Variants in MYO9A observed in about 807,000 individuals in gnomAD.
MYO9A encodes the protein unconventional myosin-IXa.
MYO9A carries 103 observed loss-of-function variants against 293.3 expected under a neutral mutation model. The ratio of observed to expected loss-of-function variants is 0.35; its 90% CI spans 0.30 to 0.41. The LOEUF is 0.41. MYO9A is among the 10% of genes least tolerant of loss of function. The pLI is 1.00. For synonymous variants in MYO9A, 1,001 were observed against 1,035.7 expected, an observed-to-expected ratio of 0.97 and a Z score of 0.64; for missense variants, 2,685 against 3,033.0, an observed-to-expected ratio of 0.89 and a Z score of 2.69.
chr15:71,927,225 T>G (rs2058336054), intron 18 of MYO9A, among the ~76,000 whole-genome samples: 1 of 152,242 alleles, frequency 6.6e-6, no homozygotes, highest in East Asian at 1.9e-4. Context: ...TGCTATTAAG[T>G]TGTTTGGACT....
intron 17 of MYO9A, among the ~76,000 whole-genome samples, chr15:71,934,266 T>G (rs1386247613): frequency 1.3e-5 from 2 of 152,082 alleles, no homozygotes; most frequent in African/African-American, 4.8e-5. Flanking sequence ...CTTATGAATA[T>G]GGGCTGGGAA....
rs78261984 is a variant in MYO9A at position 72,104,942 on chromosome 15, A to G, written c.-72+12738T>C. Among the ~76,000 whole-genome samples the G allele has an allele frequency of 1.5e-3, 235 of 152,366 alleles. 5 individuals carry two copies. In the East Asian group the frequency reaches 0.023, roughly 15 times the overall value. The stretch of plus-strand genomic sequence containing the variant: ...CAGTGAAGATACAATGTATCCTTAC[A>G]TGAAAACATTCAAGACATGGGCTTT... On this transcript the variant is annotated intron_variant, in intron 1 of 41. Transcript: ENST00000356056.
At chr15:72,007,654 T>C (rs2077054963) in intron 8 of MYO9A, among the ~76,000 whole-genome samples, 172 bp downstream of exon 8, 1 of 152,144 alleles carries the variant, frequency 6.6e-6, no homozygotes, top group South Asian at 2.1e-4. Flanking sequence ...AATAGCAAAC[T>C]GAGGCAGGTA....
intron 28 of MYO9A, among the ~76,000 whole-genome samples, chr15:71,882,141 G>T (rs1270636093): frequency 6.6e-6 from 1 of 152,096 alleles, no homozygotes; most frequent in Non-Finnish European, 1.5e-5. Flanking sequence ...GATATGAGAA[G>T]ATGCTGGTTT....
rs759347363 is a variant in MYO9A, at chr15:71,848,856, G to T, written c.6826C>A (p.Arg2276Ser). 9.4e-6 allele frequency: 15 copies of T among 1,602,864 alleles called. No individual in the cohort carries two copies. In the African/African-American group the frequency reaches 1.6e-4, roughly 17 times the overall value. Residue 2276 changes from arginine to serine, a missense_variant, in exon 39 of 42, where the codon CGT becomes AGT. Coordinates refer to ENST00000356056, the MANE Select transcript of MYO9A (RefSeq NM_006901.4). ...NKAKTRLSLI[R>S]RSMGKGRIRR... Reference sequence around the variant, plus strand: ...GTGTTGCATCTTACCATTGATCTACGAATCAGTGACAACCTGGTCTTTGCC... The same window carrying T: ...GTGTTGCATCTTACCATTGATCTACTAATCAGTGACAACCTGGTCTTTGCC...
At chr15:71,829,961 A>G in intron 40 of MYO9A, 148 bp downstream of exon 40, 1 of 882,568 alleles carries the variant, frequency 1.1e-6, no homozygotes. Context: ...TATAGACAAC[A>G]CGTCTTTGTC....
chr15:72,070,292 A>C (rs559315285), intron 1 of MYO9A, among the ~76,000 whole-genome samples: 178 of 151,498 alleles, frequency 1.2e-3, no homozygotes, highest in Non-Finnish European at 1.6e-3. Flanking sequence ...AACTACAAAA[A>C]AAAAACAAAA....
intron 1 of MYO9A, among the ~76,000 whole-genome samples, chr15:72,079,502 T>A (rs2079474890): frequency 6.6e-6 from 1 of 152,160 alleles, no homozygotes. Flanking sequence ...TACAGTATAA[T>A]ATGCATGTGT....
chr15:71,941,124 C>A (rs1207538601), intron 15 of MYO9A, among the ~76,000 whole-genome samples: 6 of 152,098 alleles, frequency 3.9e-5, no homozygotes, highest in Non-Finnish European at 7.4e-5. Context: ...GTAGCTCACT[C>A]CCTGATCCCA....
rs760577376 is a variant in MYO9A, at chr15:71,897,868, T to C, written c.4635A>G (p.Pro1545=). The C allele has an allele frequency of 1.1e-5, 18 of 1,614,114 alleles. No individual in the cohort carries two copies. The highest frequency in any genetic ancestry group is 1.4e-5 in the Non-Finnish European group (16 of 1,180,002). The change falls in exon 25 of 42, where the codon CCA becomes CCG. Residue 1545 remains proline, a synonymous_variant. Transcript: ENST00000356056. ...CTCTTTGCTTTGACTGATAGGAAGA[T>C]GGTGCCACCAAACACTCTCCAATTC... is the stretch of plus-strand genomic sequence containing the variant. ...KPRIGECLVA[P]SSYQSKQRVE...
chr15:72,040,684 C>T lies in MYO9A; in HGVS notation c.840+5040G>A, dbSNP rs1248382916. On this transcript the variant is annotated intron_variant, in intron 2 of 41. Coordinates refer to ENST00000356056, the MANE Select transcript of MYO9A (RefSeq NM_006901.4). ...GATATTGGCTCACTGCAACCTTTGC[C>T]TCCCGAAGAACCCGGTATTTTCTAC... Among the ~76,000 whole-genome samples, 3 of 152,106 alleles carry T rather than the reference C, an allele frequency of 2.0e-5. No homozygotes were observed. The East Asian group carries it at 5.8e-4, about 29-fold the overall frequency.
At chr15:71,903,104 T>C in intron 21 of MYO9A, 41 bp from the exon 22 acceptor site, 4 of 1,521,956 alleles carry the variant, frequency 2.6e-6, no homozygotes, top group Non-Finnish European at 3.6e-6. Flanking sequence ...CAGAAAACAG[T>C]GTATGTAAAC....
intron 14 of MYO9A, chr15:71,953,530 A>T (rs1323807808): frequency 6.6e-6 from 1 of 152,224 alleles, no homozygotes; most frequent in Non-Finnish European, 1.5e-5. Context: ...GTAGAGTTTT[A>T]AAAAATCAAT....
intron 14 of MYO9A, among the ~76,000 whole-genome samples, chr15:71,956,350 T>TATAA (rs1475961500): frequency 3.3e-5 from 4 of 121,164 alleles, no homozygotes; most frequent in South Asian, 2.5e-4. Context: ...TATATATATA[T>TATAA]AAAATACGCC....
At chr15:72,041,512 T>C (rs192563333) in intron 2 of MYO9A, 1 of 351,270 alleles carries the variant, frequency 2.8e-6, no homozygotes, top group African/African-American at 2.2e-5. Context: ...AGTTTTCCAG[T>C]TTTGGAAGTT....
At chr15:71,914,776 T>C (rs1420624235) in intron 19 of MYO9A, among the ~76,000 whole-genome samples, 1 of 152,140 alleles carries the variant, frequency 6.6e-6, no homozygotes, top group East Asian at 1.9e-4. Context: ...TTAAATATAA[T>C]TCATGAATAT....
At chr15:72,082,747 G>A in intron 1 of MYO9A, among the ~76,000 whole-genome samples, 1 of 151,582 alleles carries the variant, frequency 6.6e-6, no homozygotes, top group East Asian at 1.9e-4. Context: ...AAAGGCTGTT[G>A]AATTTTATCA....
chr15:71,860,868 G>A (rs768185646), intron 33 of MYO9A, among the ~76,000 whole-genome samples: 3 of 149,796 alleles, frequency 2.0e-5, no homozygotes, highest in South Asian at 2.1e-4. Context: ...TTGGGAGGCT[G>A]AGGCAGGACA....
At position 71,854,374 on chromosome 15, in the gene MYO9A, T is replaced by C; in HGVS notation, c.6346+3A>G. Reference sequence around the variant, plus strand: ...CATTATGATTTAGAGGGCACTATCTTACCTGTATCTAGACCCTGCCGAAGC... The same window carrying C: ...CATTATGATTTAGAGGGCACTATCTCACCTGTATCTAGACCCTGCCGAAGC... On this transcript the variant is annotated splice_donor_region_variant and intron_variant, in intron 35 of 41. Coordinates refer to ENST00000356056, the MANE Select transcript of MYO9A (RefSeq NM_006901.4). 1.3e-6 allele frequency: 2 copies of C among 1,541,816 alleles called. No homozygotes were observed. The highest frequency in any genetic ancestry group is 8.7e-7 in the Non-Finnish European group (1 of 1,147,964).
Sources: gnomAD v4.1 joint callset for allele counts (sites outside exome capture counted in the v4.1 genomes callset) on GRCh38, gnomAD v4.1.1 for gene constraint, MANE v1.5 for transcripts, NCBI Gene and HGNC (gene_info 2026-07-23, HGNC 2026-07-21) for gene names.